ADCY2: variants seen among roughly 807,000 people sequenced by gnomAD.
The protein encoded by ADCY2 is adenylate cyclase type 2.
Under a neutral mutation model 125.2 loss-of-function variants are expected in ADCY2, and 31 were observed. The observed-to-expected ratio is 0.25, with a 90% confidence interval of 0.19 to 0.33. ADCY2 has a LOEUF of 0.33. Among genes scored for constraint, ADCY2 ranks in the 10% least tolerant of loss-of-function variants. ADCY2 has a pLI of 1.00. For synonymous variants in ADCY2, 512 were observed against 548.4 expected (o/e 0.93, Z 0.93); for missense variants, 904 against 1,418.2 (o/e 0.64, Z 5.82).
rs567325100 is a variant in ADCY2, at chr5:7,802,745, C to T, written c.2775+381C>T. On this transcript the variant is annotated intron_variant, in intron 21 of 24. Transcript: ENST00000338316. This position sits in a 1 kb window ranked among gnomAD's most constrained non-coding sequence, Gnocchi z 4.6. The stretch of plus-strand genomic sequence containing the variant: ...TCTGTGCCTACTTCAATGCCTTTGT[C>T]AGATATCAACTTGCACTATGCATGG... 1.3e-5 allele frequency among the ~76,000 whole-genome samples: 2 copies of T among 152,150 alleles called. No homozygotes were observed. The highest frequency in any genetic ancestry group is 2.9e-5 in the Non-Finnish European group (2 of 68,042).
At chr5:7,552,101 G>C (rs1646534396) in intron 3 of ADCY2, among the ~76,000 whole-genome samples, 2 of 152,188 alleles carry the variant, frequency 1.3e-5, no homozygotes, top group East Asian at 3.9e-4. Flanking sequence ...ATTTTTAATA[G>C]ACCTATCGAT....
At chr5:7,518,991 G>T (rs17826786) in intron 2 of ADCY2, among the ~76,000 whole-genome samples, 1 of 152,114 alleles carries the variant, frequency 6.6e-6, no homozygotes, top group Admixed American at 6.5e-5. Flanking sequence ...TCTTCAGGTC[G>T]GAGTGCCTTA....
intron 3 of ADCY2, among the ~76,000 whole-genome samples, chr5:7,578,547 G>T (rs1367601179): frequency 2.2e-4 from 34 of 152,054 alleles, no homozygotes; most frequent in Admixed American, 2.2e-3. Flanking sequence ...TGTTGTTATG[G>T]TGGTGGTTTA....
In ADCY2 at chr5:7,465,346, G is replaced by A. The variant is rs140166065; in HGVS notation, c.408+50576G>A. Among the ~76,000 whole-genome samples, 852 of 152,226 alleles carry A rather than the reference G, an allele frequency of 5.6e-3. 3 individuals carry two copies. Among genetic ancestry groups the A allele is most frequent in the Non-Finnish European group, 8.2e-3 (561 of 68,020 alleles). ...TTTTTCTCATGTCCCATATGGATGC[G>A]TCCTAAGTCCAGTAAGCTTCACATT... On this transcript the variant is annotated intron_variant, in intron 2 of 24. Coordinates refer to ENST00000338316, the MANE Select transcript of ADCY2 (RefSeq NM_020546.3).
intron 3 of ADCY2, among the ~76,000 whole-genome samples, chr5:7,586,866 C>T (rs547363359): frequency 9.2e-5 from 14 of 152,246 alleles, no homozygotes; most frequent in African/African-American, 1.9e-4. Flanking sequence ...TTACATCCAT[C>T]GCCACATCTT....
chr5:7,599,966 G>T (rs555649010), intron 3 of ADCY2, among the ~76,000 whole-genome samples: 4 of 152,082 alleles, frequency 2.6e-5, no homozygotes, highest in Non-Finnish European at 4.4e-5. Flanking sequence ...GTTAAAGGGT[G>T]GAAAGGGAGG....
chr5:7,616,593 G>A (rs1004528556), intron 3 of ADCY2, among the ~76,000 whole-genome samples: 4 of 152,174 alleles, frequency 2.6e-5, no homozygotes, highest in South Asian at 2.1e-4. Flanking sequence ...CCATCTTGGT[G>A]CACATTAAAC....
chr5:7,619,330 G>T (rs543029794), intron 3 of ADCY2, among the ~76,000 whole-genome samples: 4 of 152,184 alleles, frequency 2.6e-5, no homozygotes, highest in Non-Finnish European at 5.9e-5. Flanking sequence ...GAGACAGAAG[G>T]TAGTAGGGAG....
intron 1 of ADCY2, among the ~76,000 whole-genome samples, chr5:7,407,955 G>A (rs1335127198): frequency 3.4e-5 from 5 of 146,862 alleles, no homozygotes; most frequent in East Asian, 2.0e-4. Flanking sequence ...TGAAACCTCC[G>A]CCTCCTGGGT....
At chr5:7,462,930 C>T (rs1448170928) in intron 2 of ADCY2, among the ~76,000 whole-genome samples, 3 of 152,162 alleles carry the variant, frequency 2.0e-5, no homozygotes, top group African/African-American at 7.2e-5. Flanking sequence ...TGAGACCTCC[C>T]TAGCTGATGC....
chr5:7,796,459 A>G (rs1454905671), intron 20 of ADCY2: 2 of 152,236 alleles, frequency 1.3e-5, no homozygotes, highest in Non-Finnish European at 2.9e-5. Flanking sequence ...GCATCAATGC[A>G]CAAAAGGAAA....
intron 20 of ADCY2, chr5:7,796,444 C>T (rs1487095516): frequency 6.6e-6 from 1 of 152,198 alleles, no homozygotes; most frequent in Non-Finnish European, 1.5e-5. Flanking sequence ...GCTCTCCTAC[C>T]CACTGCATCA....
chr5:7,514,624 C>A (rs1744190826), intron 2 of ADCY2, among the ~76,000 whole-genome samples: 1 of 152,166 alleles, frequency 6.6e-6, no homozygotes, highest in Non-Finnish European at 1.5e-5. Context: ...AAAATAGGGT[C>A]TTTGCAGATG....
At chr5:7,516,937 G>GAAGACC (rs1744272132) in intron 2 of ADCY2, among the ~76,000 whole-genome samples, 2 of 152,096 alleles carry the variant, frequency 1.3e-5, no homozygotes, top group African/African-American at 4.8e-5. Flanking sequence ...TTTGAGTGTG[G>GAAGACC]CTGTGAGGAG....
Position 7,449,847 on chromosome 5 carries a change from G to C in ADCY2, c.408+35077G>C, listed in dbSNP as rs146291350. Among the ~76,000 whole-genome samples, 751 of 152,266 alleles carry C rather than the reference G, an allele frequency of 4.9e-3. 7 individuals carry two copies. The highest frequency in any genetic ancestry group is 0.017 in the African/African-American group (700 of 41,552). ...GTGTCCCATTTTAGTCATTGTCACAGTATTTGAAAAGTTTCATTATTATGG... is the reference window on the plus strand; with the variant it reads ...GTGTCCCATTTTAGTCATTGTCACACTATTTGAAAAGTTTCATTATTATGG... On this transcript the variant is annotated intron_variant, in intron 2 of 24. Transcript: ENST00000338316.
At chr5:7,721,504 T>G (rs1199215976) in intron 12 of ADCY2, among the ~76,000 whole-genome samples, 4 of 152,222 alleles carry the variant, frequency 2.6e-5, no homozygotes, top group Non-Finnish European at 2.9e-5. Context: ...TTGCCTAGGT[T>G]TTCTTCTAGG....
chr5:7,563,511 G>A (rs755046531), intron 3 of ADCY2, among the ~76,000 whole-genome samples: 8 of 152,102 alleles, frequency 5.3e-5, no homozygotes, highest in Non-Finnish European at 1.0e-4. Context: ...AAATGTGCAG[G>A]CTGCATGTAT....
intron 5 of ADCY2, 67 bp from the exon 6 acceptor site, chr5:7,695,685 A>G (rs1013936378): frequency 9.6e-6 from 9 of 942,082 alleles, no homozygotes; most frequent in East Asian, 2.9e-5. Context: ...TGGAAAAATT[A>G]TTATTACTTT....
chr5:7,506,658 T>C (rs1168720813), intron 2 of ADCY2, among the ~76,000 whole-genome samples: 1 of 152,194 alleles, frequency 6.6e-6, no homozygotes, highest in Non-Finnish European at 1.5e-5. Context: ...TGTAACTTTC[T>C]CTTTGAACAC....
Sources: allele counts gnomAD v4.1 joint callset (sites outside exome capture counted in the v4.1 genomes callset), GRCh38; gene constraint gnomAD v4.1.1; non-coding constraint Gnocchi (gnomAD v3.1); transcripts MANE v1.5; gene names NCBI Gene and HGNC (gene_info 2026-07-23, HGNC 2026-07-21).